EXTL3: variants seen among roughly 807,000 people sequenced by gnomAD.
The protein encoded by EXTL3 is exostosin-like 3.
Under a neutral mutation model 69.3 loss-of-function variants are expected in EXTL3, and 27 were observed. That is an observed-to-expected ratio of 0.39 (90% confidence interval 0.29 to 0.54). The LOEUF (loss-of-function observed/expected upper bound fraction) is 0.54. Among genes scored for constraint, EXTL3 ranks in the 20% least tolerant of loss-of-function variants. The pLI is 0.69. For missense variants in EXTL3, 1,003 were observed against 1,231.8 expected, an observed-to-expected ratio of 0.81 and a Z score of 2.78; for synonymous variants, 511 against 499.4, an observed-to-expected ratio of 1.02 and a Z score of -0.31.
intron 3 of EXTL3, among the ~76,000 whole-genome samples, chr8:28,729,074 TGC>T (rs1428855828): frequency 6.6e-6 from 1 of 151,970 alleles, no homozygotes; most frequent in East Asian, 1.9e-4. Context: ...GGCAGGCAGA[TGC>T]CATGAGATCA....
At chr8:28,718,274 A>G (rs1011965425) in intron 3 of EXTL3, 67 bp downstream of exon 3, 6 of 1,482,936 alleles carry the variant, frequency 4.0e-6, no homozygotes, top group African/African-American at 2.8e-5. Flanking sequence ...CCCTTTTCCA[A>G]CTTCCTTCAC....
At chr8:28,674,946 A>C (rs1406078676) in intron 1 of EXTL3, among the ~76,000 whole-genome samples, 1 of 152,168 alleles carries the variant, frequency 6.6e-6, no homozygotes, top group African/African-American at 2.4e-5. Context: ...TGAACTCCTC[A>C]GGACCCACCC....
At chr8:28,652,515 G>C (rs939925594) in intron 1 of EXTL3, among the ~76,000 whole-genome samples, 7 of 152,036 alleles carry the variant, frequency 4.6e-5, no homozygotes, top group African/African-American at 1.7e-4. Flanking sequence ...TTATCTGGCT[G>C]TGGTGGTGCA....
intron 1 of EXTL3, among the ~76,000 whole-genome samples, chr8:28,640,684 C>A (rs2130582660): frequency 6.6e-6 from 1 of 152,322 alleles, no homozygotes; most frequent in Admixed American, 6.5e-5. Flanking sequence ...CTCACTGCAG[C>A]TTCGACCTCC....
At chr8:28,680,916 C>T (rs1376286628) in intron 1 of EXTL3, among the ~76,000 whole-genome samples, 3 of 152,022 alleles carry the variant, frequency 2.0e-5, no homozygotes, top group South Asian at 2.1e-4. Flanking sequence ...CTCACTCTGT[C>T]GCCCAGGCTG....
chr8:28,629,260 AAAAC>A (rs1395238027), intron 1 of EXTL3, among the ~76,000 whole-genome samples: 1 of 151,494 alleles, frequency 6.6e-6, no homozygotes, highest in African/African-American at 2.4e-5. Context: ...TTTCAAGCAG[AAAAC>A]AAACCGAGTT....
chr8:28,743,635 G>A (rs1801824196), intron 6 of EXTL3, among the ~76,000 whole-genome samples: 1 of 152,150 alleles, frequency 6.6e-6, no homozygotes, highest in Non-Finnish European at 1.5e-5. Context: ...ATTTGTTACT[G>A]CTTTGAATTC....
intron 3 of EXTL3, among the ~76,000 whole-genome samples, chr8:28,726,049 G>A (rs915806154): frequency 6.7e-6 from 1 of 150,370 alleles, no homozygotes; most frequent in Non-Finnish European, 1.5e-5. Flanking sequence ...TCTGCCTCCC[G>A]GGCTCAAGCA....
intron 2 of EXTL3, among the ~76,000 whole-genome samples, chr8:28,612,383 G>A (rs538969719): frequency 6.6e-6 from 1 of 152,008 alleles, no homozygotes; most frequent in African/African-American, 2.4e-5. Context: ...GAACCTGGGA[G>A]GCAGAGGTTG....
chr8:28,708,194 C>T (rs1444974873), intron 1 of EXTL3, among the ~76,000 whole-genome samples: 1 of 152,210 alleles, frequency 6.6e-6, no homozygotes, highest in Admixed American at 6.5e-5. Context: ...AATCTTCACT[C>T]TTCAGTCAGT....
intron 3 of EXTL3, among the ~76,000 whole-genome samples, chr8:28,726,879 CTTTTTTT>C (rs11458194): frequency 4.5e-4 from 45 of 99,932 alleles, no homozygotes; most frequent in African/African-American, 1.5e-3. Context: ...CTTTTCTTTT[CTTTTTTT>C]TTTTTTTTTT....
At chr8:28,692,264 G>C (rs1019228652) in intron 1 of EXTL3, among the ~76,000 whole-genome samples, 2 of 152,146 alleles carry the variant, frequency 1.3e-5, no homozygotes, top group Non-Finnish European at 2.9e-5. Flanking sequence ...GTAGAAATAT[G>C]GTCACATTTT....
At chr8:28,678,348 G>A (rs139177369) in intron 1 of EXTL3, among the ~76,000 whole-genome samples, 54 of 152,322 alleles carry the variant, frequency 3.5e-4, no homozygotes, top group African/African-American at 1.1e-3. Context: ...GTTGAAATTC[G>A]ATTCCCAATG....
upstream of EXTL3, among the ~76,000 whole-genome samples, chr8:28,621,443 G>A (rs537218344): frequency 2.6e-5 from 4 of 152,176 alleles, no homozygotes; most frequent in Admixed American, 6.5e-5. Context: ...CAGGCTTCCA[G>A]CGTCCAGGAC....
intron 2 of EXTL3, among the ~76,000 whole-genome samples, chr8:28,611,989 G>A (rs1052681579): frequency 1.3e-5 from 2 of 152,182 alleles, no homozygotes; most frequent in African/African-American, 2.4e-5. Flanking sequence ...CTTCACTGAC[G>A]TGTGCCCGCC....
intron 1 of EXTL3, among the ~76,000 whole-genome samples, chr8:28,658,728 C>A (rs1315993370): frequency 1.3e-5 from 2 of 152,078 alleles, no homozygotes; most frequent in East Asian, 3.9e-4. Context: ...TTACAGGTGC[C>A]CACCACCATG....
intron 1 of EXTL3, among the ~76,000 whole-genome samples, chr8:28,657,273 A>G (rs1264243175): frequency 2.0e-5 from 3 of 152,204 alleles, no homozygotes; most frequent in African/African-American, 4.8e-5. Flanking sequence ...TATAAGGAAG[A>G]AAGTGGTTTG....
intron 1 of EXTL3, among the ~76,000 whole-genome samples, chr8:28,677,324 C>T (rs1807403593): frequency 6.6e-6 from 1 of 152,052 alleles, no homozygotes; most frequent in African/African-American, 2.4e-5. Flanking sequence ...CTCCTTGGAG[C>T]CGCTATTTAC....
chr8:28,694,098 T>G (rs981775259), intron 1 of EXTL3, among the ~76,000 whole-genome samples: 1 of 152,156 alleles, frequency 6.6e-6, no homozygotes, highest in Non-Finnish European at 1.5e-5. Context: ...ATGAGGCACC[T>G]CCCTCTCTGA....
Sources: allele counts gnomAD v4.1 joint callset (sites outside exome capture counted in the v4.1 genomes callset), GRCh38; gene constraint gnomAD v4.1.1; transcripts MANE v1.5; gene names NCBI Gene and HGNC (gene_info 2026-07-23, HGNC 2026-07-21).